MRTFB: variants seen among roughly 807,000 people sequenced by gnomAD.
MRTFB encodes myocardin-related transcription factor B.
Under a neutral mutation model 104.2 loss-of-function variants are expected in MRTFB, and 29 were observed. The observed-to-expected ratio is 0.28, with a 90% confidence interval of 0.21 to 0.38. The LOEUF is 0.38. Among genes scored for constraint, MRTFB ranks in the 10% least tolerant of loss-of-function variants. MRTFB has a pLI of 1.00. For synonymous variants in MRTFB, 535 were observed against 519.5 expected, an observed-to-expected ratio of 1.03 and a Z score of -0.41; for missense variants, 1,270 against 1,341.6, an observed-to-expected ratio of 0.95 and a Z score of 0.83.
At chr16:14,142,245 CTTT>C (rs71999049) in intron 3 of MRTFB, 5 of 122,162 alleles carry the variant, frequency 4.1e-5, no homozygotes, top group East Asian at 2.6e-4. Flanking sequence ...TCTTTTCTTT[CTTT>C]TTTTTTTTTT....
At chr16:14,077,066 T>C (rs2034106458) in intron 1 of MRTFB, among the ~76,000 whole-genome samples, 1 of 152,230 alleles carries the variant, frequency 6.6e-6, no homozygotes, top group South Asian at 2.1e-4. Context: ...TTGTCACTTG[T>C]TTTTAAAAAT....
At chr16:14,198,477 A>C (rs2040536882) in intron 3 of MRTFB, among the ~76,000 whole-genome samples, 1 of 152,236 alleles carries the variant, frequency 6.6e-6, no homozygotes, top group South Asian at 2.1e-4. Context: ...CTCTGATAAA[A>C]ATGATACCAT....
At chr16:13,997,011 T>C in the MRTFB span, among the ~76,000 whole-genome samples, 1 of 152,222 alleles carries the variant, frequency 6.6e-6, no homozygotes, top group Non-Finnish European at 1.5e-5. Flanking sequence ...GGGTTTGCAG[T>C]GGACAGCGTG....
intron 3 of MRTFB, among the ~76,000 whole-genome samples, chr16:14,163,352 C>G (rs991262621): frequency 6.6e-6 from 1 of 152,100 alleles, no homozygotes; most frequent in Non-Finnish European, 1.5e-5. Context: ...GTGGGGAGAT[C>G]AAGTCATTGC....
At chr16:14,012,295 CTTTCTTT>C in the MRTFB span, among the ~76,000 whole-genome samples, 1 of 107,922 alleles carries the variant, frequency 9.3e-6, no homozygotes, top group Non-Finnish European at 1.8e-5. Context: ...CTTTTTCTTT[CTTTCTTT>C]TTTTTTTTTT....
chr16:14,247,986 T>G (rs1329757481), intron 12 of MRTFB: 1 of 156,536 alleles, frequency 6.4e-6, no homozygotes, highest in African/African-American at 2.4e-5. Context: ...ACCCAGGTGT[T>G]CTGCCCGCAG....
At chr16:14,190,165 TATTTTCTTCTCTAG>T (rs2040114232) in intron 3 of MRTFB, among the ~76,000 whole-genome samples, 1 of 152,226 alleles carries the variant, frequency 6.6e-6, no homozygotes, top group Non-Finnish European at 1.5e-5. Context: ...AGAATTTAAT[TATTTTCTTCTCTAG>T]GAGAGAACAG....
intron 8 of MRTFB, among the ~76,000 whole-genome samples, chr16:14,225,111 A>G (rs2041940609): frequency 6.6e-6 from 1 of 152,186 alleles, no homozygotes; most frequent in Non-Finnish European, 1.5e-5. Context: ...GCTTGAATCC[A>G]GGAGGTGGAG....
chr16:14,101,719 T>C (rs894434221), intron 2 of MRTFB, among the ~76,000 whole-genome samples: 1 of 152,036 alleles, frequency 6.6e-6, no homozygotes, highest in African/African-American at 2.4e-5. Flanking sequence ...GAGATTATTA[T>C]AAAGATCTAC....
chr16:14,023,610 CAT>C, the MRTFB span, among the ~76,000 whole-genome samples: 263 of 106,964 alleles, frequency 2.5e-3, no homozygotes, highest in African/African-American at 8.6e-3. Flanking sequence ...CACACACACA[CAT>C]ACATATACAT....
chr16:14,168,515 G>C (rs1458015262), intron 3 of MRTFB, among the ~76,000 whole-genome samples: 4 of 152,110 alleles, frequency 2.6e-5, no homozygotes, highest in Non-Finnish European at 5.9e-5. Flanking sequence ...CCTGTATAAG[G>C]CTTCTTGCAT....
At chr16:14,146,668 A>G (rs1346215309) in intron 3 of MRTFB, among the ~76,000 whole-genome samples, 2 of 152,184 alleles carry the variant, frequency 1.3e-5, no homozygotes, top group African/African-American at 4.8e-5. Context: ...CACTATAGAA[A>G]ATGAATGGCA....
intron 6 of MRTFB, among the ~76,000 whole-genome samples, chr16:14,216,264 G>A (rs974939576): frequency 3.9e-5 from 6 of 152,146 alleles, no homozygotes; most frequent in Admixed American, 2.6e-4. Context: ...ATCCTAAGCC[G>A]ACTTATGGGG....
At chr16:14,102,881 C>T (rs563630483) in intron 2 of MRTFB, among the ~76,000 whole-genome samples, 2 of 152,292 alleles carry the variant, frequency 1.3e-5, no homozygotes, top group East Asian at 3.9e-4. Flanking sequence ...TATCTGGGGG[C>T]ATGCTGTTGC....
chr16:14,176,945 G>C (rs2039602899), intron 3 of MRTFB, among the ~76,000 whole-genome samples: 1 of 152,182 alleles, frequency 6.6e-6, no homozygotes. Context: ...TTCAGGGGTG[G>C]AGAGAGACAT....
chr16:14,111,049 C>T (rs1337025067), intron 2 of MRTFB, among the ~76,000 whole-genome samples: 3 of 152,150 alleles, frequency 2.0e-5, no homozygotes, highest in Non-Finnish European at 2.9e-5. Flanking sequence ...GTAACAATAC[C>T]GATTTTTTGC....
the MRTFB span, among the ~76,000 whole-genome samples, chr16:14,056,598 G>T: frequency 2.0e-5 from 3 of 152,186 alleles, no homozygotes; most frequent in Non-Finnish European, 4.4e-5. Context: ...TCTCCAAGGA[G>T]CCCTGGTCTC....
At chr16:14,005,758 C>T in the MRTFB span, among the ~76,000 whole-genome samples, 1 of 152,176 alleles carries the variant, frequency 6.6e-6, no homozygotes, top group Non-Finnish European at 1.5e-5. Flanking sequence ...TTTTCCAGTC[C>T]AGGGCCCCCT....
At chr16:14,187,622 G>T (rs2040004381) in intron 3 of MRTFB, among the ~76,000 whole-genome samples, 1 of 152,208 alleles carries the variant, frequency 6.6e-6, no homozygotes, top group South Asian at 2.1e-4. Flanking sequence ...AATAAATACT[G>T]TCGATTATTA....
Sources: allele counts gnomAD v4.1 joint callset (sites outside exome capture counted in the v4.1 genomes callset), GRCh38; gene constraint gnomAD v4.1.1; transcripts MANE v1.5; gene names NCBI Gene and HGNC (gene_info 2026-07-23, HGNC 2026-07-21).